The following NPAS3 variants were observed in gnomAD, a reference collection of about 807,000 sequenced individuals.
NPAS3 encodes neuronal PAS domain protein 3, also known as neuronal PAS domain-containing protein 3.
In NPAS3, 14 loss-of-function variants were observed where a neutral mutation model predicts 73.1. The ratio of observed to expected loss-of-function variants is 0.19; its 90% CI spans 0.13 to 0.30. The LOEUF (loss-of-function observed/expected upper bound fraction) is 0.30, where lower values mean the gene tolerates loss of function less well. Ranked by LOEUF, NPAS3 falls within the 10% of genes least tolerant of loss-of-function variation. The probability of loss-of-function intolerance (pLI) is 1.00; values close to 1 mark genes in which losing one functional copy is unlikely to be tolerated. For synonymous variants in NPAS3, 620 were observed against 541.5 expected (o/e 1.14, Z -2.01); for missense variants, 1,096 against 1,250.0 (o/e 0.88, Z 1.86).
rs148067619 is a variant in NPAS3 at position 32,956,010 on chromosome 14, C to G, written c.50+16644C>G. Among the ~76,000 whole-genome samples the G allele has an allele frequency of 1.1e-3, 170 of 152,192 alleles. No homozygotes were observed. In the East Asian group the frequency reaches 0.014, roughly 13 times the overall value. On this transcript the variant is annotated intron_variant, in intron 1 of 11. Transcript: ENST00000356141. The stretch of plus-strand genomic sequence containing the variant: ...ATAGTTTTAGATTCAAGATGTGTCA[C>G]AGCTCTCTATTAAGCAAGGAGTAAA...
At chr14:33,576,281 C>G (rs1049234775) in intron 5 of NPAS3, among the ~76,000 whole-genome samples, 2 of 152,132 alleles carry the variant, frequency 1.3e-5, no homozygotes, top group East Asian at 3.9e-4. Flanking sequence ...TTTTTCATCC[C>G]TTTCAGTTCC....
intron 4 of NPAS3, among the ~76,000 whole-genome samples, chr14:33,530,367 C>T (rs2053985737): frequency 6.6e-6 from 1 of 152,130 alleles, no homozygotes; most frequent in African/African-American, 2.4e-5. Context: ...TTTATCTTAG[C>T]TGCTCAGCAT....
intron 4 of NPAS3, among the ~76,000 whole-genome samples, chr14:33,514,192 G>A (rs964438120): frequency 6.6e-5 from 10 of 152,002 alleles, no homozygotes; most frequent in East Asian, 1.9e-4. Flanking sequence ...AAGGGGCTCC[G>A]GGTCAGTCTG....
intron 2 of NPAS3, among the ~76,000 whole-genome samples, chr14:33,116,891 C>T (rs1273483926): frequency 6.6e-6 from 1 of 152,006 alleles, no homozygotes; most frequent in East Asian, 1.9e-4. Context: ...AACCATATGC[C>T]CAGGAAGAAA....
intron 4 of NPAS3, among the ~76,000 whole-genome samples, chr14:33,525,697 C>T (rs2053767276): frequency 6.6e-6 from 1 of 152,068 alleles, no homozygotes; most frequent in Non-Finnish European, 1.5e-5. Flanking sequence ...TTTGAGAAGT[C>T]TTCAAGTTGT....
intron 5 of NPAS3, among the ~76,000 whole-genome samples, chr14:33,633,792 C>G (rs1463131475): frequency 6.6e-6 from 1 of 152,018 alleles, no homozygotes; most frequent in Non-Finnish European, 1.5e-5. Flanking sequence ...CCAGCCTGGG[C>G]AACATAGTGA....
intron 4 of NPAS3, among the ~76,000 whole-genome samples, chr14:33,395,651 G>T (rs1026409951): frequency 6.6e-6 from 1 of 151,952 alleles, no homozygotes; most frequent in African/African-American, 2.4e-5. Flanking sequence ...CAAATTTTAA[G>T]CCTGTTCATA....
intron 1 of NPAS3, among the ~76,000 whole-genome samples, chr14:33,020,779 A>G (rs1316378621): frequency 3.4e-5 from 5 of 145,938 alleles, no homozygotes; most frequent in African/African-American, 1.0e-4. Flanking sequence ...TTTTTTTTTG[A>G]GATGGAATTT....
chr14:33,115,097 G>A (rs1382952406), intron 2 of NPAS3, among the ~76,000 whole-genome samples: 1 of 152,106 alleles, frequency 6.6e-6, no homozygotes, highest in Non-Finnish European at 1.5e-5. Context: ...ATTATTGAGT[G>A]CTTATTGCAA....
chr14:33,359,210 A>G (rs546158968), intron 3 of NPAS3, among the ~76,000 whole-genome samples: 1 of 152,356 alleles, frequency 6.6e-6, no homozygotes, highest in Non-Finnish European at 1.5e-5. Flanking sequence ...TCTTTCTCCC[A>G]CAGAAACATA....
intron 4 of NPAS3, among the ~76,000 whole-genome samples, chr14:33,433,528 C>T (rs1222535756): frequency 6.6e-6 from 1 of 152,180 alleles, no homozygotes; most frequent in African/African-American, 2.4e-5. Flanking sequence ...GACCAGGTAA[C>T]TTTGAAATGG....
At chr14:33,128,723 C>A (rs1566589968) in intron 2 of NPAS3, among the ~76,000 whole-genome samples, 1 of 152,018 alleles carries the variant, frequency 6.6e-6, no homozygotes, top group African/African-American at 2.4e-5. Context: ...TGAAATGAAC[C>A]AATGAATGAA....
rs111693097 is a variant in NPAS3 at position 32,996,848 on chromosome 14, T to A, written c.50+57482T>A. Among the ~76,000 whole-genome samples the A allele has an allele frequency of 2.8e-3, 426 of 151,908 alleles. 1 individual carries two copies. Among genetic ancestry groups the A allele is most frequent in the African/African-American group, 1.0e-2 (413 of 41,402 alleles). ...GTGGGGTCGGGGCTCCCACACAGAGTTGATACTAGGGCACTGCCTAATGGA... is the reference window on the plus strand; with the variant it reads ...GTGGGGTCGGGGCTCCCACACAGAGATGATACTAGGGCACTGCCTAATGGA... On this transcript the variant is annotated intron_variant, in intron 1 of 11. Coordinates refer to ENST00000356141, the Ensembl canonical transcript of NPAS3.
intron 2 of NPAS3, among the ~76,000 whole-genome samples, chr14:33,143,828 TTG>T (rs2044145649): frequency 6.6e-6 from 1 of 152,238 alleles, no homozygotes; most frequent in Non-Finnish European, 1.5e-5. Context: ...ATGTGGCCTT[TTG>T]TGTCTGGTTT....
chr14:33,229,648 C>T (rs1022652995), intron 3 of NPAS3, among the ~76,000 whole-genome samples: 3 of 152,162 alleles, frequency 2.0e-5, no homozygotes, highest in Non-Finnish European at 2.9e-5. Flanking sequence ...GGGTTGCTAG[C>T]TCAATGTTTT....
chr14:33,602,670 G>T (rs116389875), intron 5 of NPAS3, among the ~76,000 whole-genome samples: 1,543 of 152,176 alleles, frequency 0.01, 26 homozygotes, highest in African/African-American at 0.033. Flanking sequence ...GGGTTTGTTG[G>T]TGGTGGTGGT....
rs1250219635 is a variant in NPAS3 at position 33,800,767 on chromosome 14, G to A, written c.2460G>A (p.Ala820=). 1 of 1,573,852 alleles carries A rather than the reference G, an allele frequency of 6.4e-7. No homozygotes were observed. Among genetic ancestry groups the A allele is most frequent in the Non-Finnish European group, 8.6e-7 (1 of 1,161,418 alleles). The change falls in exon 12 of 12, where the codon GCG becomes GCA. Residue 820 remains alanine (A), a synonymous_variant. Transcript: ENST00000356141. The surrounding 1 kb of genome is among the most constrained non-coding windows in gnomAD (Gnocchi z 6.5). ...CCCTGGCCGCCACCAGCACGGCCGC[G>A]CAGAGGGTCTACACCACGGGCACCA... is the stretch of plus-strand genomic sequence containing the variant.
At chr14:33,077,774 G>GTTTTTTTTTTTTTTT (rs3057435) in intron 2 of NPAS3, among the ~76,000 whole-genome samples, 6,068 of 86,626 alleles carry the variant, frequency 0.07, 1,026 homozygotes, top group Non-Finnish European at 0.097. Flanking sequence ...TGCAGTAAGG[G>GTTTTTTTTTTTTTTT]TTTTTTTTTT....
At chr14:33,584,274 A>T (rs2056782991) in intron 5 of NPAS3, among the ~76,000 whole-genome samples, 1 of 152,176 alleles carries the variant, frequency 6.6e-6, no homozygotes, top group Admixed American at 6.5e-5. Flanking sequence ...TTGCCGGTAT[A>T]ATCCTAACAT....
Sources: gnomAD v4.1 joint callset for allele counts (sites outside exome capture counted in the v4.1 genomes callset) on GRCh38, gnomAD v4.1.1 for gene constraint, Gnocchi (gnomAD v3.1) non-coding constraint, MANE v1.5 for transcripts, NCBI Gene and HGNC (gene_info 2026-07-23, HGNC 2026-07-21) for gene names.